YES1: variants seen among roughly 807,000 people sequenced by gnomAD.
YES1 encodes tyrosine-protein kinase Yes.
YES1 carries 39 observed loss-of-function variants against 70.4 expected under a neutral mutation model. The observed-to-expected ratio is 0.55, with a 90% CI of 0.43 to 0.72. The LOEUF (loss-of-function observed/expected upper bound fraction) is 0.72. Ranked by LOEUF, YES1 falls within the 30% of genes least tolerant of loss-of-function variation. YES1 has a pLI of 0.00. For missense variants in YES1, 495 were observed against 644.8 expected (o/e 0.77, Z 2.52); for synonymous variants, 198 against 218.6 (o/e 0.91, Z 0.83).
chr18:763,093 T>C (rs1248333249), intron 1 of YES1, among the ~76,000 whole-genome samples: 1 of 152,216 alleles, frequency 6.6e-6, no homozygotes, highest in Non-Finnish European at 1.5e-5. Context: ...ATGGCTCAGA[T>C]GCTTGAAACA....
intron 6 of YES1, 29 bp from the exon 7 acceptor site, chr18:743,444 T>C: frequency 6.4e-7 from 1 of 1,564,264 alleles, no homozygotes; most frequent in Non-Finnish European, 8.7e-7. Context: ...TATACTGTAA[T>C]ATCAATTACA....
intron 1 of YES1, among the ~76,000 whole-genome samples, chr18:773,367 G>A (rs1598925101): frequency 6.6e-6 from 1 of 152,158 alleles, no homozygotes; most frequent in African/African-American, 2.4e-5. Flanking sequence ...AGGCAGAGTG[G>A]AACCAAAAGG....
intron 6 of YES1, among the ~76,000 whole-genome samples, chr18:745,202 C>A (rs997838103): frequency 7.2e-5 from 11 of 152,052 alleles, no homozygotes; most frequent in African/African-American, 2.4e-4. Context: ...ATATTAAATA[C>A]CTTCAGAGGT....
intron 11 of YES1, among the ~76,000 whole-genome samples, chr18:724,989 C>A (rs751529841): frequency 3.9e-5 from 6 of 152,144 alleles, no homozygotes; most frequent in Non-Finnish European, 7.4e-5. Flanking sequence ...GGAATGGTGG[C>A]AAGATCCTGT....
intron 1 of YES1, among the ~76,000 whole-genome samples, chr18:773,943 T>C (rs1905263058): frequency 6.6e-6 from 1 of 152,034 alleles, no homozygotes; most frequent in Non-Finnish European, 1.5e-5. Context: ...GCAATTCTCC[T>C]GCCTCAGCCT....
intron 1 of YES1, among the ~76,000 whole-genome samples, chr18:798,653 T>C (rs1906663238): frequency 6.6e-6 from 1 of 152,204 alleles, no homozygotes; most frequent in Non-Finnish European, 1.5e-5. Context: ...AAGTGGTATG[T>C]AGATGGACAT....
rs71174281 is a variant in YES1, at chr18:735,161, C to CA, written c.1291+1646dup. The stretch of plus-strand genomic sequence containing the variant: ...AACAGATTGAGACTGTGTCTCAAAG[C>CA]AAAAAAAAAAAAATCATTATATGAA... On this transcript the variant is annotated intron_variant, in intron 10 of 11. Coordinates refer to ENST00000314574, the MANE Select transcript of YES1 (RefSeq NM_005433.4). Among the ~76,000 whole-genome samples the CA allele has an allele frequency of 9.7e-4, 107 of 110,656 alleles. 2 individuals are homozygous for CA. The highest frequency in any genetic ancestry group is 1.4e-3 in the Non-Finnish European group (77 of 54,036). 72.6% of individuals were successfully genotyped at this position (110,656 alleles called of 152,430 possible).
intron 1 of YES1, among the ~76,000 whole-genome samples, chr18:792,552 T>C (rs576150623): frequency 0.036 from 3,844 of 107,826 alleles, 165 homozygotes; most frequent in African/African-American, 0.12. Context: ...TCTCTCTCTC[T>C]CTCCCTCTGT....
chr18:795,697 A>T lies in YES1; in HGVS notation c.-9+16417T>A, dbSNP rs553401981. On this transcript the variant is annotated intron_variant, in intron 1 of 11. Coordinates refer to ENST00000314574, the MANE Select transcript of YES1 (RefSeq NM_005433.4). ...GTATGTTCTCACTTATAAGTGGGAG[A>T]TGAACAATGAGAACACATGGACACA... Among the ~76,000 whole-genome samples, 76 of 142,764 alleles carry T rather than the reference A, an allele frequency of 5.3e-4. 1 individual carries two copies. The highest frequency in any genetic ancestry group is 1.5e-3 in the African/African-American group (57 of 39,150). 93.7% of individuals were successfully genotyped at this position (142,764 alleles called of 152,430 possible). A position where few individuals can be genotyped will look rare whatever the true frequency, so the allele number is the denominator to read the frequency against.
chr18:771,154 C>G (rs373126797), intron 1 of YES1, among the ~76,000 whole-genome samples: 1 of 151,776 alleles, frequency 6.6e-6, no homozygotes, highest in South Asian at 2.1e-4. Context: ...CACTTGAGGT[C>G]TCAGGAGTTC....
At chr18:751,680 C>T (rs1224527139) in intron 3 of YES1, 25 bp downstream of exon 3, 7 of 1,424,712 alleles carry the variant, frequency 4.9e-6, no homozygotes, top group Admixed American at 1.7e-5. Context: ...CAGTATTTCT[C>T]TCACAAAATA....
At chr18:801,597 G>T (rs376750098) in intron 1 of YES1, among the ~76,000 whole-genome samples, 1 of 152,232 alleles carries the variant, frequency 6.6e-6, no homozygotes, top group East Asian at 1.9e-4. Flanking sequence ...AGAAATAAAT[G>T]ATATAATTAG....
chr18:746,392 A>C (rs1287418037), intron 4 of YES1, among the ~76,000 whole-genome samples: 1 of 152,196 alleles, frequency 6.6e-6, no homozygotes, highest in African/African-American at 2.4e-5. Flanking sequence ...GACAGGAAGA[A>C]TAGAAGTGGT....
intron 1 of YES1, among the ~76,000 whole-genome samples, chr18:766,148 CA>C (rs1433990417): frequency 1.3e-5 from 2 of 152,170 alleles, no homozygotes; most frequent in African/African-American, 4.8e-5. Context: ...CCAAGTCCTT[CA>C]GGGGAGGCTC....
In YES1 at chr18:742,335, G is replaced by A. The variant is rs114826826; in HGVS notation, c.1060+583C>T. 2.2e-3 allele frequency among the ~76,000 whole-genome samples: 329 copies of A among 151,962 alleles called. 1 individual carries two copies. Among genetic ancestry groups the A allele is most frequent in the African/African-American group, 7.5e-3 (309 of 41,450 alleles). On this transcript the variant is annotated intron_variant, in intron 8 of 11. Coordinates refer to ENST00000314574, the MANE Select transcript of YES1 (RefSeq NM_005433.4). ...AGAAACTTCCATTGAAGGTAGTGGG[G>A]AGGCCAGGCACAGTGGCTCATGCTG...
At chr18:802,787 T>A (rs1239721139) in intron 1 of YES1, among the ~76,000 whole-genome samples, 1 of 151,988 alleles carries the variant, frequency 6.6e-6, no homozygotes, top group Non-Finnish European at 1.5e-5. Flanking sequence ...CTGTAATAAA[T>A]ACCTACCTCA....
intron 10 of YES1, among the ~76,000 whole-genome samples, chr18:735,051 G>A (rs1308643856): frequency 6.6e-6 from 1 of 151,772 alleles, no homozygotes; most frequent in Admixed American, 6.6e-5. Flanking sequence ...CAGCTACAGG[G>A]GAGGCTGAGG....
In YES1 at chr18:747,993, A is replaced by G; in HGVS notation, c.397T>C (p.Ser133Pro). The G allele has an allele frequency of 6.2e-7, 1 of 1,613,930 alleles. No homozygotes were observed. The change falls in exon 4 of 12, where the codon TCA becomes CCA. Residue 133 changes from serine (S) to proline (P), a missense_variant. Coordinates refer to ENST00000314574, the MANE Select transcript of YES1 (RefSeq NM_005433.4). ...TAACCATTCTTTCCTGTAGCGATTG[A>G]TCTTGCTTCCCACCAATCTCCTTCC... ...NTEGDWWEAR[S>P]IATGKNGYIP...
intron 1 of YES1, among the ~76,000 whole-genome samples, chr18:793,043 GT>G (rs761477770): frequency 0.022 from 2,941 of 136,770 alleles, 60 homozygotes; most frequent in African/African-American, 0.057. Flanking sequence ...ATTATTATTG[GT>G]TTTTTTTTTT....
Sources: gnomAD v4.1 joint callset for allele counts (sites outside exome capture counted in the v4.1 genomes callset) on GRCh38, gnomAD v4.1.1 for gene constraint, MANE v1.5 for transcripts, NCBI Gene and HGNC (gene_info 2026-07-23, HGNC 2026-07-21) for gene names.